NELL1: variants seen among roughly 807,000 people sequenced by gnomAD.
NELL1 encodes neural EGFL like 1, also known as protein kinase C-binding protein NELL1.
NELL1 carries 76 observed loss-of-function variants against 107.4 expected under a neutral mutation model. The observed-to-expected ratio is 0.71, with a 90% CI of 0.59 to 0.86. NELL1 has a LOEUF of 0.86. Ranked by LOEUF, NELL1 falls within the 40% of genes least tolerant of loss-of-function variation. The probability of loss-of-function intolerance (pLI) is 0.00; values close to 1 mark genes in which losing one functional copy is unlikely to be tolerated. For missense variants in NELL1, 1,024 were observed against 1,005.5 expected (o/e 1.02, Z -0.25); for synonymous variants, 353 against 341.2 (o/e 1.03, Z -0.38).
At chr11:21,079,041 A>G (rs1854205381) in intron 12 of NELL1, among the ~76,000 whole-genome samples, 1 of 132,704 alleles carries the variant, frequency 7.5e-6, no homozygotes, top group African/African-American at 3.0e-5. Flanking sequence ...ACTGATAACT[A>G]AAAAAAAAAA....
intron 17 of NELL1, among the ~76,000 whole-genome samples, chr11:21,569,043 A>G (rs1271172246): frequency 6.6e-6 from 1 of 151,838 alleles, no homozygotes; most frequent in African/African-American, 2.4e-5. Flanking sequence ...AGGCTTGTTT[A>G]TACAGGCATC....
At chr11:20,794,959 C>G (rs1337801537) in intron 3 of NELL1, among the ~76,000 whole-genome samples, 2 of 152,196 alleles carry the variant, frequency 1.3e-5, no homozygotes, top group Non-Finnish European at 2.9e-5. Context: ...ATGCCCCTGC[C>G]TTTTCCAAAG....
intron 2 of NELL1, among the ~76,000 whole-genome samples, chr11:20,757,330 G>C (rs1856319662): frequency 6.6e-6 from 1 of 152,046 alleles, no homozygotes; most frequent in Admixed American, 6.5e-5. Context: ...CCATCACTGG[G>C]TATAGAGAGA....
intron 19 of NELL1, among the ~76,000 whole-genome samples, chr11:21,574,578 GGGGTA>G (rs1857179225): frequency 6.6e-6 from 1 of 151,706 alleles, no homozygotes; most frequent in South Asian, 2.1e-4. Context: ...AAGATTGTTG[GGGGTA>G]CTTTCAAATA....
chr11:20,693,182 C>G (rs1854516434), intron 2 of NELL1, among the ~76,000 whole-genome samples: 1 of 151,764 alleles, frequency 6.6e-6, no homozygotes, highest in Non-Finnish European at 1.5e-5. Context: ...ATGTGTGTCT[C>G]TGCACGTGAG....
intron 2 of NELL1, among the ~76,000 whole-genome samples, chr11:20,757,518 A>G (rs1856323881): frequency 6.6e-6 from 1 of 152,130 alleles, no homozygotes; most frequent in Non-Finnish European, 1.5e-5. Context: ...CTGACCCTAT[A>G]TACATACCAG....
chr11:21,310,009 T>G (rs1849714070), intron 14 of NELL1, among the ~76,000 whole-genome samples: 3 of 152,104 alleles, frequency 2.0e-5, no homozygotes, highest in Admixed American at 1.3e-4. Context: ...AACTTCTTAG[T>G]CTTCACATAA....
At chr11:21,070,884 A>G (rs1463640153) in intron 12 of NELL1, among the ~76,000 whole-genome samples, 2 of 152,192 alleles carry the variant, frequency 1.3e-5, no homozygotes, top group African/African-American at 4.8e-5. Flanking sequence ...GATCGAAAAT[A>G]TCAGAAAAAT....
At chr11:21,076,893 G>A (rs1175393994) in intron 12 of NELL1, among the ~76,000 whole-genome samples, 1 of 151,980 alleles carries the variant, frequency 6.6e-6, no homozygotes, top group African/African-American at 2.4e-5. Context: ...TTCCCCTCCT[G>A]CCATGAGTGG....
At chr11:21,538,111 C>A (rs1226998086) in intron 16 of NELL1, among the ~76,000 whole-genome samples, 1 of 151,768 alleles carries the variant, frequency 6.6e-6, no homozygotes, top group African/African-American at 2.4e-5. Context: ...TCTAAAATAA[C>A]CCTTACAATT....
chr11:21,232,160 ATAT>A (rs1219664830), intron 14 of NELL1, among the ~76,000 whole-genome samples: 1,805 of 74,586 alleles, frequency 0.024, 38 homozygotes, highest in African/African-American at 0.067. Context: ...AAAAAAAAAA[ATAT>A]ATATATATAT....
At chr11:20,904,192 A>G (rs1241249301) in intron 5 of NELL1, among the ~76,000 whole-genome samples, 1 of 152,014 alleles carries the variant, frequency 6.6e-6, no homozygotes, top group Non-Finnish European at 1.5e-5. Context: ...CATGTACCCT[A>G]AAACTTAAAG....
intron 12 of NELL1, among the ~76,000 whole-genome samples, chr11:21,015,531 G>A (rs570555175): frequency 3.9e-5 from 6 of 152,056 alleles, no homozygotes; most frequent in Non-Finnish European, 7.4e-5. Flanking sequence ...GCTTTAAGCT[G>A]TTATACTGAG....
intron 12 of NELL1, among the ~76,000 whole-genome samples, chr11:21,072,102 T>C (rs916460652): frequency 6.6e-6 from 1 of 152,190 alleles, no homozygotes; most frequent in African/African-American, 2.4e-5. Flanking sequence ...AACTAAGATA[T>C]ATTTATCAAG....
intron 14 of NELL1, among the ~76,000 whole-genome samples, chr11:21,267,498 A>G (rs1423622517): frequency 2.0e-5 from 3 of 152,070 alleles, no homozygotes; most frequent in Admixed American, 1.3e-4. Flanking sequence ...TTGGTAGTAA[A>G]ATGCTTTTGC....
intron 14 of NELL1, among the ~76,000 whole-genome samples, chr11:21,256,218 T>C (rs1179094706): frequency 6.6e-6 from 1 of 152,060 alleles, no homozygotes. Flanking sequence ...ATATGATATG[T>C]AATTTTTACC....
At chr11:20,751,655 A>C (rs992509867) in intron 2 of NELL1, among the ~76,000 whole-genome samples, 9 of 151,824 alleles carry the variant, frequency 5.9e-5, no homozygotes, top group African/African-American at 1.7e-4. Flanking sequence ...TTAAAAAAAA[A>C]AAAAAAAAAC....
At chr11:21,048,818 G>A (rs963422672) in intron 12 of NELL1, among the ~76,000 whole-genome samples, 12 of 152,090 alleles carry the variant, frequency 7.9e-5, no homozygotes, top group African/African-American at 2.9e-4. Context: ...GTTATGCCAT[G>A]GCTTCCCTCC....
intron 2 of NELL1, among the ~76,000 whole-genome samples, chr11:20,755,558 T>TTTTTTTTTTTTTTTA (rs1267991719): frequency 6.1e-5 from 1 of 16,432 alleles, no homozygotes; most frequent in African/African-American, 1.1e-4. Context: ...TTGTTTTTGT[T>TTTTTTTTTTTTTTTA]TTTGTTTTTT....
Sources: allele counts gnomAD v4.1 joint callset (sites outside exome capture counted in the v4.1 genomes callset), GRCh38; gene constraint gnomAD v4.1.1; transcripts MANE v1.5; gene names NCBI Gene and HGNC (gene_info 2026-07-23, HGNC 2026-07-21).